Variants in PSMA3 observed in about 807,000 individuals in gnomAD.
PSMA3 encodes proteasome 20S subunit alpha 3, also known as proteasome subunit alpha type-3.
A neutral mutation model predicts 40.0 loss-of-function variants in PSMA3; 8 were observed. The ratio of observed to expected loss-of-function variants is 0.20; its 90% CI spans 0.12 to 0.36. The LOEUF is 0.36. PSMA3 is among the 10% of genes least tolerant of loss of function. The pLI, the probability that PSMA3 is intolerant of heterozygous loss-of-function variation, is 1.00. For synonymous variants in PSMA3, 110 were observed against 100.0 expected, an observed-to-expected ratio of 1.10 and a Z score of -0.59; for missense variants, 219 against 310.6, an observed-to-expected ratio of 0.70 and a Z score of 2.22.
chr14:58,269,467 C>G (rs896335627), intron 8 of PSMA3: 2 of 151,692 alleles, frequency 1.3e-5, no homozygotes, highest in African/African-American at 4.8e-5. Context: ...GAGTCTCACT[C>G]TGTTGCCCAG....
chr14:58,255,769 CAA>C (rs912448162), intron 3 of PSMA3, among the ~76,000 whole-genome samples: 3 of 151,050 alleles, frequency 2.0e-5, no homozygotes, highest in African/African-American at 7.3e-5. Flanking sequence ...AACTCCATCT[CAA>C]AAAAAAAGAT....
At chr14:58,270,246 TC>T in intron 8 of PSMA3, 171 bp from the exon 9 acceptor site, 2 of 902,780 alleles carry the variant, frequency 2.2e-6, no homozygotes, top group Non-Finnish European at 3.2e-6. Context: ...TTTATTTCAG[TC>T]CCTGTGTAAT....
chr14:58,253,263 A>T (rs1236237460), intron 3 of PSMA3, among the ~76,000 whole-genome samples: 1 of 152,204 alleles, frequency 6.6e-6, no homozygotes, highest in African/African-American at 2.4e-5. Context: ...TGCTGGGATT[A>T]TAGGCGTGAG....
At chr14:58,268,798 T>C (rs1030973385) in intron 8 of PSMA3, 1 of 152,338 alleles carries the variant, frequency 6.6e-6, no homozygotes, top group East Asian at 1.9e-4. Context: ...TGGAGCAGCA[T>C]GTTATCTTTT....
chr14:58,263,862 C>T, intron 7 of PSMA3, 92 bp downstream of exon 7: 1 of 1,181,514 alleles, frequency 8.5e-7, no homozygotes, highest in South Asian at 1.3e-5. Flanking sequence ...GCAGGGATGT[C>T]CAATCATTTG....
At chr14:58,247,883 T>C in intron 2 of PSMA3, 51 bp downstream of exon 2, 1 of 1,318,622 alleles carries the variant, frequency 7.6e-7, no homozygotes, top group African/African-American at 1.5e-5. Context: ...TTTATATATT[T>C]TTGGCGATTA....
intron 5 of PSMA3, among the ~76,000 whole-genome samples, 155 bp from the exon 6 acceptor site, chr14:58,260,788 TTTTAA>T (rs1890259910): frequency 6.6e-6 from 1 of 152,350 alleles, no homozygotes; most frequent in Admixed American, 6.5e-5. Context: ...CATGTAATAG[TTTTAA>T]TTAATTGAAA....
chr14:58,262,858 C>A (rs1890322949), intron 6 of PSMA3, among the ~76,000 whole-genome samples: 1 of 152,128 alleles, frequency 6.6e-6, no homozygotes, highest in African/African-American at 2.4e-5. Context: ...GTGTGAGCCA[C>A]TGCACCCGGC....
At chr14:58,264,260 A>G (rs1444017053) in intron 7 of PSMA3, among the ~76,000 whole-genome samples, 1 of 152,196 alleles carries the variant, frequency 6.6e-6, no homozygotes, top group East Asian at 1.9e-4. Flanking sequence ...ATAAAAAGTT[A>G]TATTTTTCCT....
chr14:58,267,617 T>C, intron 8 of PSMA3, 97 bp downstream of exon 8: 1 of 1,314,766 alleles, frequency 7.6e-7, no homozygotes, highest in Non-Finnish European at 9.8e-7. Context: ...TCCTGTAAAA[T>C]AACTTAGTGT....
rs546262844 is a variant in PSMA3 at position 58,257,380 on chromosome 14, C to T, written c.229-365C>T. 2.0e-5 allele frequency among the ~76,000 whole-genome samples: 3 copies of T among 152,008 alleles called. No homozygotes were observed. The East Asian group carries it at 5.8e-4, about 29-fold the overall frequency. ...GGGCGTGGTGGCAGGCGCCTGTAGTCCCAGCTACTCAGGAGGCTGAGGCAG... is the reference window on the plus strand; with the variant it reads ...GGGCGTGGTGGCAGGCGCCTGTAGTTCCAGCTACTCAGGAGGCTGAGGCAG... On this transcript the variant is annotated intron_variant, in intron 3 of 10. Transcript: ENST00000216455.
intron 9 of PSMA3, 78 bp downstream of exon 9, chr14:58,270,563 A>G: frequency 6.3e-7 from 1 of 1,590,150 alleles, no homozygotes; most frequent in Non-Finnish European, 8.6e-7. Flanking sequence ...GTCCTTTCTA[A>G]TATAATGAAA....
rs144136958 is a variant in PSMA3 at position 58,271,868 on chromosome 14, A to T, written c.741A>T (p.Glu247Asp). ...EKYAKESLKE[E>D]DESDDDNM ...CTTAACAGGAATCTCTGAAGGAAGA[A>T]GATGAATCAGATGATGATAATATGT... The change falls in exon 11 of 11, where the codon GAA (glutamate) becomes GAT (aspartate). Residue 247 changes from glutamate (E) to aspartate (D), a missense_variant. Glu to Asp is a conservative substitution (Grantham distance 45). Coordinates refer to ENST00000216455, the MANE Select transcript of PSMA3 (RefSeq NM_002788.4). 335 of 1,596,846 alleles carry T rather than the reference A, an allele frequency of 2.1e-4. 1 individual carries two copies. The highest frequency in any genetic ancestry group is 6.7e-4 in the Admixed American group (40 of 59,868).
chr14:58,246,102 A>G (rs1889874247), intron 1 of PSMA3, among the ~76,000 whole-genome samples: 1 of 152,224 alleles, frequency 6.6e-6, no homozygotes, highest in Non-Finnish European at 1.5e-5. Flanking sequence ...GGTTTAACAG[A>G]TCAGGAAACA....
chr14:58,264,160 A>G (rs1330113880), intron 7 of PSMA3, among the ~76,000 whole-genome samples: 1 of 152,232 alleles, frequency 6.6e-6, no homozygotes, highest in African/African-American at 2.4e-5. Flanking sequence ...GAAAAACACA[A>G]CTTTTGATAT....
intron 3 of PSMA3, among the ~76,000 whole-genome samples, chr14:58,254,333 C>CATATATAT (rs544540648): frequency 0.013 from 313 of 23,802 alleles, 98 homozygotes; most frequent in Non-Finnish European, 0.02. Context: ...ATTATGCATG[C>CATATATAT]ATATATATAT....
chr14:58,261,120 C>A (rs1890269033), intron 6 of PSMA3, 100 bp downstream of exon 6: 8 of 745,824 alleles, frequency 1.1e-5, no homozygotes, highest in East Asian at 3.1e-5. Flanking sequence ...AAAAAAAACT[C>A]ATTCAAGGAA....
At chr14:58,248,292 C>T (rs1889922620) in intron 2 of PSMA3, among the ~76,000 whole-genome samples, 1 of 152,202 alleles carries the variant, frequency 6.6e-6, no homozygotes, top group Admixed American at 6.5e-5. Context: ...TGCAGTGGCA[C>T]GATCTTGGCT....
chr14:58,248,905 G>A (rs2140078850), intron 2 of PSMA3, among the ~76,000 whole-genome samples: 1 of 152,312 alleles, frequency 6.6e-6, no homozygotes, highest in South Asian at 2.1e-4. Context: ...GGACGTTGCA[G>A]TGAGCCAAGA....
Sources: allele counts gnomAD v4.1 joint callset (sites outside exome capture counted in the v4.1 genomes callset), GRCh38; gene constraint gnomAD v4.1.1; transcripts MANE v1.5; gene names NCBI Gene and HGNC (gene_info 2026-07-23, HGNC 2026-07-21).